Variants in GABRB1 observed in about 807,000 individuals in gnomAD.
GABRB1 encodes the protein gamma-aminobutyric acid type A receptor subunit beta1, also known as gamma-aminobutyric acid receptor subunit beta-1.
A neutral mutation model predicts 51.6 loss-of-function variants in GABRB1; 17 were observed. The observed-to-expected ratio is 0.33, with a 90% confidence interval of 0.23 to 0.49. GABRB1 has a LOEUF of 0.49. Among genes scored for constraint, GABRB1 ranks in the 20% least tolerant of loss-of-function variants. GABRB1 has a pLI of 0.99. For missense variants in GABRB1, 410 were observed against 600.6 expected (o/e 0.68, Z 3.32); for synonymous variants, 247 against 218.9 (o/e 1.13, Z -1.14).
chr4:47,351,366 T>C (rs1383310094), intron 5 of GABRB1, among the ~76,000 whole-genome samples: 5 of 152,130 alleles, frequency 3.3e-5, no homozygotes, highest in African/African-American at 9.7e-5. Flanking sequence ...CCAAGACAAA[T>C]TGTTCATTCC....
rs1728051318 is a variant in GABRB1, at chr4:47,392,848, A to G, written c.545-10470A>G. Among the ~76,000 whole-genome samples the G allele has an allele frequency of 2.0e-5, 3 of 152,216 alleles. No individual in the cohort carries two copies. In the South Asian group the frequency reaches 6.2e-4, roughly 32 times the overall value. ...TCTGGTAATCACAATGCTGGAGCAAATAGTTCTTCCCTAGAAGAGAAAGAA... is the reference window on the plus strand; with the variant it reads ...TCTGGTAATCACAATGCTGGAGCAAGTAGTTCTTCCCTAGAAGAGAAAGAA... On this transcript the variant is annotated intron_variant, in intron 5 of 8. Coordinates refer to ENST00000295454, the MANE Select transcript of GABRB1 (RefSeq NM_000812.4).
intron 3 of GABRB1, among the ~76,000 whole-genome samples, chr4:47,040,848 GC>G (rs1725808249): frequency 1.3e-5 from 2 of 152,096 alleles, no homozygotes; most frequent in South Asian, 2.1e-4. Flanking sequence ...TAGTAATATA[GC>G]TTTTTATCTA....
chr4:47,133,157 G>A (rs1210987449), intron 3 of GABRB1, among the ~76,000 whole-genome samples: 1 of 152,088 alleles, frequency 6.6e-6, no homozygotes, highest in African/African-American at 2.4e-5. Context: ...TATCTGTTTT[G>A]TTAAAATGTA....
chr4:47,321,839 A>G (rs932515105), intron 5 of GABRB1, among the ~76,000 whole-genome samples: 7 of 152,140 alleles, frequency 4.6e-5, no homozygotes, highest in African/African-American at 1.7e-4. Flanking sequence ...AAATTCCAAG[A>G]CCTTATGAAT....
chr4:47,114,011 CTCAG>C (rs1389257729), intron 3 of GABRB1, among the ~76,000 whole-genome samples: 1 of 152,182 alleles, frequency 6.6e-6, no homozygotes, highest in Non-Finnish European at 1.5e-5. Context: ...TCTGACAGGC[CTCAG>C]TTCCTTCTGC....
chr4:47,404,088 A>T (rs867263232), intron 7 of GABRB1, among the ~76,000 whole-genome samples: 21 of 152,340 alleles, frequency 1.4e-4, no homozygotes, highest in African/African-American at 5.1e-4. Flanking sequence ...GAATTTGGAG[A>T]AAGCTAAACC....
At chr4:47,101,114 C>A (rs28475169) in intron 3 of GABRB1, among the ~76,000 whole-genome samples, 52,269 of 151,842 alleles carry the variant, frequency 0.34, 9,357 homozygotes, top group Middle Eastern at 0.45. Context: ...TCATCTTCAC[C>A]TGGTAGACTC....
intron 5 of GABRB1, among the ~76,000 whole-genome samples, chr4:47,384,491 A>C (rs1174935284): frequency 6.6e-6 from 1 of 152,166 alleles, no homozygotes; most frequent in African/African-American, 2.4e-5. Context: ...GGGTGGGTTC[A>C]TAACCAATAA....
intron 3 of GABRB1, among the ~76,000 whole-genome samples, chr4:47,061,000 A>G (rs1726825667): frequency 6.6e-6 from 1 of 152,236 alleles, no homozygotes; most frequent in Non-Finnish European, 1.5e-5. Flanking sequence ...AACATATTTA[A>G]TCTTCTATTC....
chr4:47,049,285 CCGGTGGAAAGA>C (rs1726239738), intron 3 of GABRB1, among the ~76,000 whole-genome samples: 1 of 152,102 alleles, frequency 6.6e-6, no homozygotes, highest in African/African-American at 2.4e-5. Context: ...AAGATTCCTG[CCGGTGGAAAGA>C]CAGAACTGCT....
chr4:47,203,314 C>T (rs1302262960), intron 4 of GABRB1, among the ~76,000 whole-genome samples: 2 of 152,112 alleles, frequency 1.3e-5, no homozygotes, highest in African/African-American at 2.4e-5. Context: ...TGTAAGGAGT[C>T]GTTCAACGTG....
intron 3 of GABRB1, among the ~76,000 whole-genome samples, chr4:47,064,872 T>A (rs940734606): frequency 2.0e-5 from 3 of 152,314 alleles, no homozygotes; most frequent in South Asian, 4.1e-4. Context: ...ATGGATGCAT[T>A]ATTTCTACAA....
chr4:47,050,860 T>C (rs1176581749), intron 3 of GABRB1, among the ~76,000 whole-genome samples: 7 of 152,168 alleles, frequency 4.6e-5, no homozygotes, highest in African/African-American at 1.7e-4. Context: ...ACTCTCTTTT[T>C]CCATATGGTT....
intron 5 of GABRB1, among the ~76,000 whole-genome samples, chr4:47,361,326 G>T (rs1305149101): frequency 6.6e-6 from 1 of 152,086 alleles, no homozygotes; most frequent in East Asian, 1.9e-4. Flanking sequence ...AAAGGCAAAG[G>T]GTAAAACATA....
At chr4:47,314,727 T>C (rs1210412006) in intron 4 of GABRB1, among the ~76,000 whole-genome samples, 2 of 152,028 alleles carry the variant, frequency 1.3e-5, no homozygotes, top group Admixed American at 6.6e-5. Context: ...GATTCTGAGA[T>C]GACTGGCTAG....
intron 3 of GABRB1, among the ~76,000 whole-genome samples, chr4:47,047,983 CA>C (rs1225747147): frequency 2.6e-5 from 4 of 151,894 alleles, no homozygotes; most frequent in Admixed American, 6.6e-5. Flanking sequence ...AGCTTCAGAA[CA>C]AAAAAAGATA....
chr4:46,996,734 TGTAA>T (rs1473244627), intron 1 of GABRB1, among the ~76,000 whole-genome samples: 1 of 152,200 alleles, frequency 6.6e-6, no homozygotes, highest in Non-Finnish European at 1.5e-5. Flanking sequence ...TCATGTAGAT[TGTAA>T]GTCTCTTGCA....
At chr4:47,189,627 A>T (rs1229967476) in intron 4 of GABRB1, among the ~76,000 whole-genome samples, 1 of 151,876 alleles carries the variant, frequency 6.6e-6, no homozygotes, top group African/African-American at 2.4e-5. Context: ...TGGATCTGCC[A>T]TGCTGTATTT....
chr4:47,155,479 A>G (rs1181630615), intron 3 of GABRB1, among the ~76,000 whole-genome samples: 1 of 152,032 alleles, frequency 6.6e-6, no homozygotes, highest in African/African-American at 2.4e-5. Context: ...GAAAAGGAGG[A>G]ATTGCTTGAA....
Sources: gnomAD v4.1 joint callset for allele counts (sites outside exome capture counted in the v4.1 genomes callset) on GRCh38, gnomAD v4.1.1 for gene constraint, MANE v1.5 for transcripts, NCBI Gene and HGNC (gene_info 2026-07-23, HGNC 2026-07-21) for gene names.